XYLB: variants seen among roughly 807,000 people sequenced by gnomAD.
The protein encoded by XYLB is xylulose kinase.
XYLB carries 62 observed loss-of-function variants against 78.7 expected under a neutral mutation model. The ratio of observed to expected loss-of-function variants is 0.79; its 90% CI spans 0.64 to 0.97. The LOEUF (loss-of-function observed/expected upper bound fraction) is 0.97, where lower values mean the gene tolerates loss of function less well. Ranked by LOEUF, XYLB falls within the 50% of genes least tolerant of loss-of-function variation. The pLI, the probability that XYLB is intolerant of heterozygous loss-of-function variation, is 0.00. For missense variants in XYLB, 687 were observed against 676.8 expected (o/e 1.02, Z -0.17); for synonymous variants, 245 against 247.4 (o/e 0.99, Z 0.09).
At chr3:38,379,136 A>C (rs1278239159) in intron 14 of XYLB, 110 bp from the exon 15 acceptor site, 1 of 1,061,914 alleles carries the variant, frequency 9.4e-7, no homozygotes, top group Non-Finnish European at 1.5e-6. Context: ...CCCAGCTATG[A>C]GTTTCAAATC....
At position 38,397,842 on chromosome 3, in the gene XYLB, C is replaced by T. The variant is rs543703301; in HGVS notation, c.1438+683C>T. On this transcript the variant is annotated intron_variant, in intron 17 of 18. Coordinates refer to ENST00000207870, the MANE Select transcript of XYLB (RefSeq NM_005108.4). The stretch of plus-strand genomic sequence containing the variant: ...TCTTTTCTTTTTTTTTTTTTTGAGA[C>T]GGAGTCTTGCTCTGTCACCAGGTTG... Among the ~76,000 whole-genome samples, 98 of 139,588 alleles carry T rather than the reference C, an allele frequency of 7.0e-4. 1 individual carries two copies. The highest frequency in any genetic ancestry group is 2.4e-3 in the African/African-American group (92 of 38,518). The allele number at this position is 139,588 out of a possible 152,430, so 91.6% of individuals were successfully genotyped here. A position where few individuals can be genotyped will look rare whatever the true frequency, so the allele number is the denominator to read the frequency against.
chr3:38,351,022 G>C (rs202037134), intron 2 of XYLB, among the ~76,000 whole-genome samples: 1 of 151,426 alleles, frequency 6.6e-6, no homozygotes, highest in East Asian at 1.9e-4. Context: ...CAGGCATGGT[G>C]ACAGGCACCG....
At chr3:38,426,261 A>G (rs1315117540), downstream of XYLB, among the ~76,000 whole-genome samples, 1 of 152,190 alleles carries the variant, frequency 6.6e-6, no homozygotes, top group Non-Finnish European at 1.5e-5. Flanking sequence ...ATCTCCAACA[A>G]TCTGTAATGT....
chr3:38,377,667 G>A (rs1382697680), intron 14 of XYLB, among the ~76,000 whole-genome samples: 1 of 151,874 alleles, frequency 6.6e-6, no homozygotes. Context: ...GGCTGGTCTC[G>A]AACTCCTAAC....
chr3:38,427,265 C>T, the XYLB span, among the ~76,000 whole-genome samples: 4 of 152,188 alleles, frequency 2.6e-5, no homozygotes, highest in Admixed American at 1.3e-4. Flanking sequence ...CACCATGTTG[C>T]TCAGACTAGT....
intron 9 of XYLB, among the ~76,000 whole-genome samples, chr3:38,371,920 C>G (rs1182986403): frequency 6.6e-6 from 1 of 152,188 alleles, no homozygotes; most frequent in Non-Finnish European, 1.5e-5. Flanking sequence ...GCCACCGGGA[C>G]TGGTAATCCA....
chr3:38,449,272 G>A, the XYLB span, among the ~76,000 whole-genome samples: 2 of 152,106 alleles, frequency 1.3e-5, no homozygotes, highest in South Asian at 4.1e-4. Context: ...ACAGGTATGT[G>A]CCACCATGCC....
chr3:38,443,230 A>G, the XYLB span, among the ~76,000 whole-genome samples: 1 of 152,168 alleles, frequency 6.6e-6, no homozygotes, highest in Non-Finnish European at 1.5e-5. Flanking sequence ...CTGTCCCTCA[A>G]TAGTTAAATG....
rs1388132279 is a variant in XYLB, at chr3:38,347,015, TG to T, written c.57+93del. The T allele has an allele frequency of 3.2e-6, 4 of 1,249,590 alleles. No individual in the cohort carries two copies. The African/African-American group carries it at 6.3e-5, about 20-fold the overall frequency. 77.4% of individuals were successfully genotyped at this position (1,249,590 alleles called of 1,614,324 possible). A position where few individuals can be genotyped will look rare whatever the true frequency, so the allele number is the denominator to read the frequency against. The stretch of plus-strand genomic sequence containing the variant: ...GCTGTCACCCGGACGCGGGAAAACA[TG>T]GGCCCGGCCGCGGGCGCGCCTACCT... On this transcript the variant is annotated intron_variant, in intron 1 of 18. Transcript: ENST00000207870.
In XYLB at chr3:38,408,505, G is replaced by C. The variant is rs561008496; in HGVS notation, c.1534-4431G>C. On this transcript the variant is annotated intron_variant, in intron 18 of 18. Transcript: ENST00000207870. The stretch of plus-strand genomic sequence containing the variant: ...AAAGCAAGAGCAAACACATTCAAAA[G>C]CTAGCAGAAGGCAAGAAATAACTAA... Among the ~76,000 whole-genome samples the C allele has an allele frequency of 4.6e-3, 702 of 151,194 alleles. 7 individuals carry two copies. Among genetic ancestry groups the C allele is most frequent in the African/African-American group, 0.016 (653 of 41,302 alleles).
chr3:38,421,236 G>T, downstream of XYLB: 1 of 152,664 alleles, frequency 6.6e-6, no homozygotes, highest in South Asian at 1.9e-4. Flanking sequence ...GAGTCTCCAC[G>T]ACCGAGCTGG....
chr3:38,426,168 T>C (rs1471876772), downstream of XYLB, among the ~76,000 whole-genome samples: 1 of 152,220 alleles, frequency 6.6e-6, no homozygotes, highest in East Asian at 1.9e-4. Flanking sequence ...CAGCAGACTA[T>C]GTAAATAATT....
Position 38,365,163 on chromosome 3 carries a change from G to A in XYLB, c.292-36G>A, listed in dbSNP as rs752681898. The A allele has an allele frequency of 6.2e-6, 10 of 1,604,066 alleles. No individual in the cohort carries two copies. The South Asian group carries it at 8.8e-5, about 14-fold the overall frequency. On this transcript the variant is annotated intron_variant, in intron 4 of 18. Transcript: ENST00000207870. ...CTTCAGGAGGCTGTGACACTGGTGTGTGGTCATGTGACCATGTGCTTGGGT... is the reference window on the plus strand; with the variant it reads ...CTTCAGGAGGCTGTGACACTGGTGTATGGTCATGTGACCATGTGCTTGGGT...
intron 9 of XYLB, among the ~76,000 whole-genome samples, chr3:38,371,273 TA>T (rs1706542959): frequency 1.9e-5 from 1 of 51,784 alleles, no homozygotes; most frequent in African/African-American, 4.9e-5. Context: ...CATGCACAGC[TA>T]ATTTTTTTTT....
rs559401701 is a variant in XYLB, at chr3:38,372,538, C to T, written c.766-117C>T. 1.1e-4 allele frequency: 175 copies of T among 1,555,630 alleles called. 1 individual carries two copies. In the South Asian group the frequency reaches 2.0e-3, roughly 18 times the overall value. Reference sequence around the variant, plus strand: ...TGACTCCAGGCTCTGCAAAAGATTCCTTCAGGTCTGGTGACCTGGAGACTG... The same window carrying T: ...TGACTCCAGGCTCTGCAAAAGATTCTTTCAGGTCTGGTGACCTGGAGACTG... On this transcript the variant is annotated intron_variant, in intron 9 of 18. Transcript: ENST00000207870.
At chr3:38,417,215 C>T (rs780267645), downstream of XYLB, among the ~76,000 whole-genome samples, 19 of 152,096 alleles carry the variant, frequency 1.2e-4, no homozygotes, top group Non-Finnish European at 2.4e-4. Context: ...GCAGGTGGAT[C>T]GCTTGAGCTC....
chr3:38,381,381 A>G (rs550037318), intron 15 of XYLB, among the ~76,000 whole-genome samples: 1 of 152,300 alleles, frequency 6.6e-6, no homozygotes, highest in East Asian at 1.9e-4. Flanking sequence ...TAATAATTGC[A>G]TTAACTGCAC....
Position 38,412,923 on chromosome 3 carries a change from T to C in XYLB, c.1534-13T>C, listed in dbSNP as rs1708654503. On this transcript the variant is annotated splice_polypyrimidine_tract_variant and intron_variant, in intron 18 of 18. Transcript: ENST00000207870. ...TCCCCCTCTGTTCTAAACTGCTTTT[T>C]CTGCCCTTCTAGGTCTACGAGGCCC... 2 of 1,601,300 alleles carry C rather than the reference T, an allele frequency of 1.2e-6. No homozygotes were observed. The highest frequency in any genetic ancestry group is 2.7e-5 in the African/African-American group (2 of 74,062).
intron 15 of XYLB, among the ~76,000 whole-genome samples, chr3:38,392,805 C>G (rs1324457366): frequency 6.6e-6 from 1 of 152,136 alleles, no homozygotes; most frequent in African/African-American, 2.4e-5. Context: ...ATAGTGTCAG[C>G]AATTTAACAG....
Sources: allele counts gnomAD v4.1 joint callset (sites outside exome capture counted in the v4.1 genomes callset), GRCh38; gene constraint gnomAD v4.1.1; transcripts MANE v1.5; gene names NCBI Gene and HGNC (gene_info 2026-07-23, HGNC 2026-07-21).